SMCP: variants seen among roughly 807,000 people sequenced by gnomAD.
SMCP encodes sperm mitochondrial-associated cysteine-rich protein.
For missense variants in SMCP, 137 were observed against 137.1 expected (o/e 1.00, Z 0.01); for synonymous variants, 41 against 46.9 (o/e 0.87, Z 0.51).
chr1:152,880,010 T>G (rs754156232), intron 1 of SMCP, among the ~76,000 whole-genome samples: 59 of 152,082 alleles, frequency 3.9e-4, no homozygotes, highest in Admixed American at 2.0e-4. Flanking sequence ...GTGATGAGAC[T>G]CTGCACTTTG....
Position 152,884,624 on chromosome 1 carries a change from C to G in SMCP, c.202C>G (p.Gln68Glu). ...CCAGCCAAAACCCCCATGCTGCATT[C>G]AGGCCAGGTGCTGTGGTTTGGAGAC... ...CCQPKPPCCI[Q>E]ARCCGLETKP... The change falls in exon 2 of 2, where the codon CAG becomes GAG. Residue 68 changes from glutamine to glutamate, a missense_variant. Coordinates refer to ENST00000368765, the MANE Select transcript of SMCP (RefSeq NM_030663.3). The G allele has an allele frequency of 6.2e-7, 1 of 1,614,178 alleles. No homozygotes were observed. The highest frequency in any genetic ancestry group is 8.5e-7 in the Non-Finnish European group (1 of 1,180,038).
At chr1:152,884,367 T>C in intron 1 of SMCP, 36 bp from the exon 2 acceptor site, 1 of 1,559,108 alleles carries the variant, frequency 6.4e-7, no homozygotes, top group Non-Finnish European at 8.8e-7. Context: ...GGCACCCAGA[T>C]TTCCTTCTGA....
In SMCP at chr1:152,884,581, A is replaced by C; in HGVS notation, c.159A>C (p.Pro53=). The C allele has an allele frequency of 6.2e-7, 1 of 1,614,122 alleles. No homozygotes were observed. Among genetic ancestry groups the C allele is most frequent in the Non-Finnish European group, 8.5e-7 (1 of 1,180,012 alleles). Residue 53 remains proline (P), a synonymous_variant, in exon 2 of 2, where the codon CCA becomes CCC. Coordinates refer to ENST00000368765, the MANE Select transcript of SMCP (RefSeq NM_030663.3). ...CQPKGSQCCP[P]KHNHCCQPKP... ...CAAAAGGCAGTCAATGCTGCCCACC[A>C]AAACACAATCACTGCTGCCAGCCAA...
At chr1:152,880,675 T>C (rs1360911785) in intron 1 of SMCP, among the ~76,000 whole-genome samples, 1 of 152,092 alleles carries the variant, frequency 6.6e-6, no homozygotes, top group African/African-American at 2.4e-5. Context: ...GTCTTCCTCT[T>C]AAATGGAAGC....
chr1:152,878,651 T>C (rs1240616439), intron 1 of SMCP, among the ~76,000 whole-genome samples: 2 of 152,120 alleles, frequency 1.3e-5, no homozygotes, highest in African/African-American at 4.8e-5. Context: ...GGGGTGGGGA[T>C]AGTGAGAATG....
At chr1:152,881,121 GCT>G (rs1649025026) in intron 1 of SMCP, among the ~76,000 whole-genome samples, 1 of 151,930 alleles carries the variant, frequency 6.6e-6, no homozygotes, top group South Asian at 2.1e-4. Context: ...GCCACACCTG[GCT>G]CAATGGGACC....
At chr1:152,884,330 G>T in intron 1 of SMCP, 73 bp from the exon 2 acceptor site, 2 of 1,241,458 alleles carry the variant, frequency 1.6e-6, no homozygotes, top group East Asian at 2.5e-5. Flanking sequence ...ATGTATTTGG[G>T]TGTCAAGAAA....
At chr1:152,883,937 G>A (rs1357041458) in intron 1 of SMCP, among the ~76,000 whole-genome samples, 1 of 152,228 alleles carries the variant, frequency 6.6e-6, no homozygotes, top group Non-Finnish European at 1.5e-5. Flanking sequence ...ATGCTCTGGA[G>A]TGGGATAGAG....
At chr1:152,883,860 A>G (rs1311619273) in intron 1 of SMCP, among the ~76,000 whole-genome samples, 1 of 152,180 alleles carries the variant, frequency 6.6e-6, no homozygotes, top group African/African-American at 2.4e-5. Context: ...ACAGTTGGTC[A>G]CTCTAAGTGC....
chr1:152,880,577 C>T (rs1472328070), intron 1 of SMCP, among the ~76,000 whole-genome samples: 1 of 152,168 alleles, frequency 6.6e-6, no homozygotes, highest in Non-Finnish European at 1.5e-5. Flanking sequence ...TATCTGCCAC[C>T]TCAGCCTCTT....
At position 152,884,522 on chromosome 1, in the gene SMCP, T is replaced by C. The variant is rs773123381; in HGVS notation, c.100T>C (p.Cys34Arg). The C allele has an allele frequency of 1.2e-6, 2 of 1,614,106 alleles. No individual in the cohort carries two copies. The highest frequency in any genetic ancestry group is 2.2e-5 in the East Asian group (1 of 44,882). ...NQCCQSKGNQ[C>R]CPPKQNQCCQ... ...GTGCTGCCAGTCAAAAGGCAATCAA[T>C]GCTGCCCACCAAAACAGAACCAGTG... Residue 34 changes from cysteine (C) to arginine (R), a missense_variant, in exon 2 of 2, where the codon TGC (cysteine) becomes CGC (arginine). Coordinates refer to ENST00000368765, the MANE Select transcript of SMCP (RefSeq NM_030663.3).
intron 1 of SMCP, 33 bp from the exon 2 acceptor site, chr1:152,884,370 C>T (rs993688274): frequency 6.4e-7 from 1 of 1,566,408 alleles, no homozygotes; most frequent in Non-Finnish European, 8.7e-7. Context: ...ACCCAGATTT[C>T]CTTCTGATGA....
chr1:152,881,637 G>A (rs111530224), intron 1 of SMCP, among the ~76,000 whole-genome samples: 8,484 of 147,498 alleles, frequency 0.058, 813 homozygotes, highest in African/African-American at 0.2. Context: ...GCAGTGAGCC[G>A]AGATTGCGCC....
chr1:152,884,604 C>T lies in SMCP; in HGVS notation c.182C>T (p.Pro61Leu). 1 of 1,614,106 alleles carries T rather than the reference C, an allele frequency of 6.2e-7. No individual in the cohort carries two copies. The highest frequency in any genetic ancestry group is 1.3e-5 in the African/African-American group (1 of 75,024). Residue 61 changes from proline (P) to leucine (L), a missense_variant, in exon 2 of 2, where the codon CCA becomes CTA. Pro to Leu is a moderately conservative substitution (Grantham distance 98, BLOSUM62 -3). Transcript: ENST00000368765. Reference sequence around the variant, plus strand: ...CCAAAACACAATCACTGCTGCCAGCCAAAACCCCCATGCTGCATTCAGGCC... The same window carrying T: ...CCAAAACACAATCACTGCTGCCAGCTAAAACCCCCATGCTGCATTCAGGCC... ...CPPKHNHCCQ[P>L]KPPCCIQARC...
At chr1:152,879,190 C>G (rs1648959968) in intron 1 of SMCP, among the ~76,000 whole-genome samples, 1 of 152,112 alleles carries the variant, frequency 6.6e-6, no homozygotes, top group Admixed American at 6.6e-5. Flanking sequence ...GGAAATGGAG[C>G]TTGGAGAGAA....
chr1:152,883,072 C>T (rs915831864), intron 1 of SMCP, among the ~76,000 whole-genome samples: 3 of 152,084 alleles, frequency 2.0e-5, no homozygotes, highest in Non-Finnish European at 4.4e-5. Flanking sequence ...AACAAAGAAC[C>T]ACTAATTTGG....
At chr1:152,882,795 G>A (rs1649096401) in intron 1 of SMCP, among the ~76,000 whole-genome samples, 4 of 152,242 alleles carry the variant, frequency 2.6e-5, no homozygotes, top group African/African-American at 9.6e-5. Flanking sequence ...TGTAATCCCA[G>A]CACTTTGAGA....
chr1:152,884,554 G>C lies in SMCP; in HGVS notation c.132G>C (p.Gln44His). 1 of 1,614,014 alleles carries C rather than the reference G, an allele frequency of 6.2e-7. No homozygotes were observed. The highest frequency in any genetic ancestry group is 1.1e-5 in the South Asian group (1 of 91,062). Residue 44 changes from glutamine to histidine, a missense_variant, in exon 2 of 2, where the codon CAG (glutamine) becomes CAC (histidine). Physicochemically the swap from Gln to His is conservative, Grantham distance 24. Coordinates refer to ENST00000368765, the MANE Select transcript of SMCP (RefSeq NM_030663.3). ...CCPPKQNQCCQPKGSQCCPPK... is the reference protein window; with the variant it reads ...CCPPKQNQCCHPKGSQCCPPK... ...CACCAAAACAGAACCAGTGCTGCCA[G>C]CCAAAAGGCAGTCAATGCTGCCCAC...
intron 1 of SMCP, among the ~76,000 whole-genome samples, chr1:152,880,379 C>T (rs1008109663): frequency 6.6e-5 from 10 of 152,140 alleles, no homozygotes; most frequent in Non-Finnish European, 1.0e-4. Flanking sequence ...GACACACACA[C>T]ACACTTCCTG....
Sources: gnomAD v4.1 joint callset for allele counts (sites outside exome capture counted in the v4.1 genomes callset) on GRCh38, gnomAD v4.1.1 for gene constraint, MANE v1.5 for transcripts, NCBI Gene and HGNC (gene_info 2026-07-23, HGNC 2026-07-21) for gene names.